The following ITSN2 variants were observed in gnomAD, a reference collection of about 807,000 sequenced individuals.
ITSN2 encodes the protein intersectin-2.
Under a neutral mutation model 243.7 loss-of-function variants are expected in ITSN2, and 156 were observed. The observed-to-expected ratio is 0.64, with a 90% confidence interval of 0.56 to 0.73. ITSN2 has a LOEUF of 0.73. ITSN2 is among the 30% of genes least tolerant of loss of function. ITSN2 has a pLI of 0.00. For missense variants in ITSN2, 1,801 were observed against 1,996.1 expected, an observed-to-expected ratio of 0.90 and a Z score of 1.86; for synonymous variants, 703 against 699.9, an observed-to-expected ratio of 1.00 and a Z score of -0.07.
At chr2:24,331,579 A>G (rs1685787267) in intron 1 of ITSN2, among the ~76,000 whole-genome samples, 1 of 152,194 alleles carries the variant, frequency 6.6e-6, no homozygotes, top group Non-Finnish European at 1.5e-5. Context: ...ACCTTGGCAC[A>G]AAAGCCTTGT....
chr2:24,272,621 A>G (rs2151467683), intron 18 of ITSN2, among the ~76,000 whole-genome samples: 1 of 152,128 alleles, frequency 6.6e-6, no homozygotes, highest in Admixed American at 6.5e-5. Context: ...TTTTTTATAA[A>G]GACAGGGTCT....
At chr2:24,247,018 T>A in intron 27 of ITSN2, 125 bp from the exon 28 acceptor site, 2 of 664,540 alleles carry the variant, frequency 3.0e-6, no homozygotes, top group Non-Finnish European at 5.1e-6. Flanking sequence ...TAAAGAGAGG[T>A]CTGGTTTTTG....
At chr2:24,352,912 T>C (rs1263999509) in intron 1 of ITSN2, among the ~76,000 whole-genome samples, 3 of 152,176 alleles carry the variant, frequency 2.0e-5, no homozygotes, top group African/African-American at 4.8e-5. Flanking sequence ...ATCTGTCTCA[T>C]ATCAGAACTA....
At chr2:24,283,825 T>A (rs915051207) in intron 17 of ITSN2, among the ~76,000 whole-genome samples, 7 of 152,218 alleles carry the variant, frequency 4.6e-5, no homozygotes, top group African/African-American at 1.7e-4. Flanking sequence ...CCACAAATCA[T>A]CATTAAACTT....
chr2:24,219,419 G>A (rs569214188), intron 30 of ITSN2, among the ~76,000 whole-genome samples: 11 of 152,344 alleles, frequency 7.2e-5, no homozygotes, highest in African/African-American at 2.4e-4. Context: ...CCACTCCTGT[G>A]AGAGCAGCCC....
At chr2:24,261,834 T>G (rs1357992171) in intron 20 of ITSN2, 92 bp from the exon 21 acceptor site, 1 of 953,004 alleles carries the variant, frequency 1.0e-6, no homozygotes, top group South Asian at 2.0e-5. Context: ...ATTCTCATTT[T>G]CAGAATTAAG....
chr2:24,265,881 G>A (rs1007513317), intron 20 of ITSN2, among the ~76,000 whole-genome samples: 2 of 152,160 alleles, frequency 1.3e-5, no homozygotes, highest in Non-Finnish European at 2.9e-5. Context: ...AAATACTACA[G>A]ACTTGAGAGT....
At position 24,328,086 on chromosome 2, in the gene ITSN2, C is replaced by T. The variant is rs768120361; in HGVS notation, c.-4G>A. On this transcript the variant is annotated 5_prime_UTR_variant, in exon 2 of 40. Coordinates refer to ENST00000355123, the MANE Select transcript of ITSN2 (RefSeq NM_006277.3). ...CTGTGGGAAACTGAGCCATCATGGT[C>T]CTGAGTTTTCCTTGCTAGCTCTCAG... 9 of 1,613,842 alleles carry T rather than the reference C, an allele frequency of 5.6e-6. No individual in the cohort carries two copies. In the East Asian group the frequency reaches 1.8e-4, roughly 32 times the overall value.
intron 1 of ITSN2, among the ~76,000 whole-genome samples, chr2:24,343,623 G>C (rs1014763398): frequency 1.3e-5 from 2 of 152,184 alleles, no homozygotes; most frequent in African/African-American, 4.8e-5. Context: ...GCAGGTTAGA[G>C]AGCATGAACA....
chr2:24,284,218 A>G (rs958699143), intron 17 of ITSN2, among the ~76,000 whole-genome samples: 1 of 152,174 alleles, frequency 6.6e-6, no homozygotes, highest in Non-Finnish European at 1.5e-5. Context: ...TAATTTAAAC[A>G]TTTTTATCTG....
Position 24,252,325 on chromosome 2 carries a change from T to A in ITSN2, c.3120+20A>T. 1 of 1,564,640 alleles carries A rather than the reference T, an allele frequency of 6.4e-7. No homozygotes were observed. The highest frequency in any genetic ancestry group is 8.8e-7 in the Non-Finnish European group (1 of 1,139,486). ...ATAAACCTGATTAACCAGAATGGGTTGATTTTAATATCAAAATACCTCTTG... is the reference window on the plus strand; with the variant it reads ...ATAAACCTGATTAACCAGAATGGGTAGATTTTAATATCAAAATACCTCTTG... On this transcript the variant is annotated intron_variant, in intron 25 of 39. Transcript: ENST00000355123.
Position 24,204,735 on chromosome 2 carries a change from C to A in ITSN2, c.4763-317G>T. Reference sequence around the variant, plus strand: ...GCAGACACACTCGGGAAGGCGGGCACTGGCACTTACTGGGAAAACAGTGAT... The same window carrying A: ...GCAGACACACTCGGGAAGGCGGGCAATGGCACTTACTGGGAAAACAGTGAT... On this transcript the variant is annotated intron_variant, in intron 38 of 39. Transcript: ENST00000355123. This position sits in a 1 kb window ranked among gnomAD's most constrained non-coding sequence, Gnocchi z 5.1. The A allele has an allele frequency of 1.9e-6, 1 of 528,676 alleles. No homozygotes were observed. Among genetic ancestry groups the A allele is most frequent in the East Asian group, 4.9e-5 (1 of 20,408 alleles). 32.7% of individuals were successfully genotyped at this position (528,676 alleles called of 1,614,324 possible). A position where few individuals can be genotyped will look rare whatever the true frequency, so the allele number is the denominator to read the frequency against.
Position 24,275,829 on chromosome 2 carries a change from G to T in ITSN2, c.1965C>A (p.Asn655Lys). 1 of 1,607,180 alleles carries T rather than the reference G, an allele frequency of 6.2e-7. No individual in the cohort carries two copies. Among genetic ancestry groups the T allele is most frequent in the African/African-American group, 1.3e-5 (1 of 74,692 alleles). Residue 655 changes from asparagine to lysine, a missense_variant, in exon 18 of 40, where the codon AAC becomes AAA. By Grantham distance (94) the Asn-to-Lys change is moderately conservative. This residue lies in a region of ITSN2 where 787 missense variants were observed against 803.9 expected (regional missense o/e 0.98). Coordinates refer to ENST00000355123, the MANE Select transcript of ITSN2 (RefSeq NM_006277.3). ...GCTGTTCAAGGGCTAACTGCTGTGT[G>T]TTGTAGGTTTCTCTCAGTTCCTAAG... ...LLLKELRETY[N>K]TQQLALEQLY...
chr2:24,248,523 T>A, intron 27 of ITSN2, 106 bp downstream of exon 27: 1 of 832,882 alleles, frequency 1.2e-6, no homozygotes, highest in Non-Finnish European at 1.8e-6. Flanking sequence ...TACCTCTAAG[T>A]GGAATGATTA....
In ITSN2 at chr2:24,203,420, T is replaced by C. The variant is rs553714462; in HGVS notation, c.*206A>G. 5 of 506,878 alleles carry C rather than the reference T, an allele frequency of 9.9e-6. No individual in the cohort carries two copies. The highest frequency in any genetic ancestry group is 9.5e-5 in the African/African-American group (5 of 52,896). 31.4% of individuals were successfully genotyped at this position (506,878 alleles called of 1,614,324 possible). ...ACATGTGAACACTAGGACAAGGCACTGTACTATGGGGTTTGGTTTCTTTAT... is the reference window on the plus strand; with the variant it reads ...ACATGTGAACACTAGGACAAGGCACCGTACTATGGGGTTTGGTTTCTTTAT... On this transcript the variant is annotated 3_prime_UTR_variant, in exon 40 of 40. Transcript: ENST00000355123.
At chr2:24,207,046 G>A (rs1340193238) in intron 37 of ITSN2, among the ~76,000 whole-genome samples, 1 of 152,162 alleles carries the variant, frequency 6.6e-6, no homozygotes, top group African/African-American at 2.4e-5. Context: ...TAGGGATGGG[G>A]CTGGGTGGCA....
chr2:24,356,202 C>CAA (rs70944742), intron 1 of ITSN2, among the ~76,000 whole-genome samples: 3,326 of 138,256 alleles, frequency 0.024, 105 homozygotes, highest in African/African-American at 0.074. Flanking sequence ...GACTCCATCT[C>CAA]AAAAAAAAAA....
In ITSN2 at chr2:24,290,026, A is replaced by G. The variant is rs963256605; in HGVS notation, c.1723+3662T>C. The stretch of plus-strand genomic sequence containing the variant: ...TTTTTTTGAGAGTTTTTATCATGAA[A>G]AGATGTTAAACCTTGTCAAATACTC... On this transcript the variant is annotated intron_variant, in intron 15 of 39. Coordinates refer to ENST00000355123, the MANE Select transcript of ITSN2 (RefSeq NM_006277.3). Among the ~76,000 whole-genome samples, 7 of 152,218 alleles carry G rather than the reference A, an allele frequency of 4.6e-5. No homozygotes were observed. In the East Asian group the frequency reaches 1.3e-3, roughly 29 times the overall value.
chr2:24,210,407 T>C (rs1573860936), intron 34 of ITSN2: 2 of 279,074 alleles, frequency 7.2e-6, no homozygotes. Flanking sequence ...ACGCCAGGAG[T>C]TCAAGACCAG....
Sources: allele counts gnomAD v4.1 joint callset (sites outside exome capture counted in the v4.1 genomes callset), GRCh38; gene constraint gnomAD v4.1.1; regional missense constraint gnomAD v4.1.1; non-coding constraint Gnocchi (gnomAD v3.1); transcripts MANE v1.5; gene names NCBI Gene and HGNC (gene_info 2026-07-23, HGNC 2026-07-21).